CCDC93: variants seen among roughly 807,000 people sequenced by gnomAD.
The protein encoded by CCDC93 is coiled-coil domain-containing protein 93.
Under a neutral mutation model 108.2 loss-of-function variants are expected in CCDC93, and 61 were observed. The observed-to-expected ratio is 0.56, with a 90% CI of 0.46 to 0.70. The LOEUF (loss-of-function observed/expected upper bound fraction) is 0.70, where lower values mean the gene tolerates loss of function less well. Among genes scored for constraint, CCDC93 ranks in the 30% least tolerant of loss-of-function variants. CCDC93 has a pLI of 0.00. For synonymous variants in CCDC93, 276 were observed against 260.4 expected (o/e 1.06, Z -0.58); for missense variants, 685 against 764.2 (o/e 0.90, Z 1.22).
rs1676756175 is a variant in CCDC93, at chr2:118,003,084, T to C, written c.252-2152A>G. Among the ~76,000 whole-genome samples the C allele has an allele frequency of 6.6e-5, 10 of 152,298 alleles. No individual in the cohort carries two copies. The South Asian group carries it at 8.3e-4, about 13-fold the overall frequency. On this transcript the variant is annotated intron_variant, in intron 3 of 23. Coordinates refer to ENST00000376300, the MANE Select transcript of CCDC93 (RefSeq NM_019044.5). ...CCTGAGAGGAAGAAGAAAATTTTCATGCAGCTCTCAGCCACTCCTGGTGCC... is the reference window on the plus strand; with the variant it reads ...CCTGAGAGGAAGAAGAAAATTTTCACGCAGCTCTCAGCCACTCCTGGTGCC...
intron 1 of CCDC93, among the ~76,000 whole-genome samples, chr2:118,011,813 G>T (rs560291453): frequency 3.3e-5 from 5 of 152,148 alleles, no homozygotes; most frequent in Non-Finnish European, 5.9e-5. Context: ...TATAACTTGT[G>T]AAGTAATTTT....
intron 13 of CCDC93, chr2:117,950,660 C>A: frequency 1.0e-6 from 1 of 985,416 alleles, no homozygotes; most frequent in Non-Finnish European, 1.2e-6. Context: ...TTACTCCTAA[C>A]CTTGATAGGT....
intron 13 of CCDC93, chr2:117,951,169 A>AG (rs778207811): frequency 7.8e-5 from 77 of 985,240 alleles, no homozygotes; most frequent in Non-Finnish European, 9.0e-5. Context: ...TATTATACAA[A>AG]GACAGATCCA....
rs2104685679 is a variant in CCDC93 at position 117,915,969 on chromosome 2, T to C, written c.*4374A>G. On this transcript the variant is annotated 3_prime_UTR_variant, in exon 24 of 24. Coordinates refer to ENST00000376300, the MANE Select transcript of CCDC93 (RefSeq NM_019044.5). ...CATAATGTATTTAACCATTCCCCTG[T>C]ATTGGTGGCACTCTCCAACTTTTTG... 1 of 152,348 alleles carries C rather than the reference T, an allele frequency of 6.6e-6. No individual in the cohort carries two copies. The allele number at this position is 152,348 out of a possible 1,614,324, so 9.4% of individuals were successfully genotyped here. A position where few individuals can be genotyped will look rare whatever the true frequency, so the allele number is the denominator to read the frequency against.
intron 23 of CCDC93, among the ~76,000 whole-genome samples, chr2:117,923,626 A>T (rs981339777): frequency 2.0e-5 from 3 of 152,072 alleles, no homozygotes; most frequent in African/African-American, 7.2e-5. Flanking sequence ...AGAAGCTCAA[A>T]CTGGGTGGAG....
intron 6 of CCDC93, 80 bp from the exon 7 acceptor site, chr2:117,986,149 G>T: frequency 1.5e-6 from 1 of 656,608 alleles, no homozygotes. Context: ...TCCAGCCATG[G>T]GGTATATTCT....
chr2:117,926,242 A>T (rs1242543138), intron 23 of CCDC93, among the ~76,000 whole-genome samples: 3 of 152,224 alleles, frequency 2.0e-5, no homozygotes, highest in Non-Finnish European at 4.4e-5. Context: ...TTCAAAAGCT[A>T]GCAGAAGGCA....
intron 11 of CCDC93, among the ~76,000 whole-genome samples, chr2:117,967,262 G>C (rs1381372407): frequency 6.6e-6 from 1 of 152,200 alleles, no homozygotes; most frequent in African/African-American, 2.4e-5. Context: ...CAAAGTGCTG[G>C]GATTACAGGC....
rs146493058 is a variant in CCDC93 at position 118,010,107 on chromosome 2, TTTTG to T, written c.43-1453_43-1450del. ...CAGGCACATGCCACCACGCCCGTTT[TTTTG>T]TTTGTTTGTTTGTTTTTGTATTTTT... On this transcript the variant is annotated intron_variant, in intron 1 of 23. Transcript: ENST00000376300. Among the ~76,000 whole-genome samples, 6 of 150,840 alleles carry T rather than the reference TTTTG, an allele frequency of 4.0e-5. No homozygotes were observed. In the South Asian group the frequency reaches 8.4e-4, roughly 21 times the overall value.
intron 13 of CCDC93, chr2:117,951,757 CAG>C: frequency 1.1e-6 from 1 of 920,052 alleles, no homozygotes; most frequent in Non-Finnish European, 1.3e-6. Flanking sequence ...GAGGTGGCAG[CAG>C]AGGTGTCTGT....
intron 22 of CCDC93, among the ~76,000 whole-genome samples, chr2:117,933,028 G>A (rs1371430247): frequency 2.6e-5 from 4 of 152,236 alleles, no homozygotes; most frequent in Non-Finnish European, 5.9e-5. Context: ...CACTGTGGGA[G>A]TTAGTGTGGC....
At chr2:118,009,615 T>C (rs1676970488) in intron 1 of CCDC93, among the ~76,000 whole-genome samples, 1 of 152,134 alleles carries the variant, frequency 6.6e-6, no homozygotes, top group South Asian at 2.1e-4. Context: ...GGGGTTGCAG[T>C]GAGGTGAGAC....
intron 4 of CCDC93, chr2:117,997,942 C>T (rs532965106): frequency 1.3e-5 from 2 of 152,362 alleles, no homozygotes; most frequent in African/African-American, 4.8e-5. Context: ...GAGTTACAGC[C>T]TGGCTGGATC....
chr2:117,933,743 C>T (rs1283342593), intron 22 of CCDC93, among the ~76,000 whole-genome samples: 2 of 151,720 alleles, frequency 1.3e-5, no homozygotes, highest in African/African-American at 4.8e-5. Context: ...AAAACACATC[C>T]ATCCAAGTGA....
At position 117,936,692 on chromosome 2, in the gene CCDC93, C is replaced by G; in HGVS notation, c.1643+10G>C. ...GGGTATTAGTGGGAAGGAGGACTGA[C>G]AGTACTTACTGTGAGAAGTTCTCAT... On this transcript the variant is annotated intron_variant, in intron 21 of 23. Coordinates refer to ENST00000376300, the MANE Select transcript of CCDC93 (RefSeq NM_019044.5). The G allele has an allele frequency of 6.2e-7, 1 of 1,609,398 alleles. No homozygotes were observed. Among genetic ancestry groups the G allele is most frequent in the South Asian group, 1.1e-5 (1 of 90,988 alleles).
intron 22 of CCDC93, among the ~76,000 whole-genome samples, chr2:117,933,759 G>A (rs1450865781): frequency 6.6e-6 from 1 of 151,174 alleles, no homozygotes; most frequent in Non-Finnish European, 1.5e-5. Flanking sequence ...AGTGACTGCT[G>A]TTCCATTCAC....
chr2:117,931,257 C>A, intron 22 of CCDC93, 107 bp from the exon 23 acceptor site: 1 of 717,490 alleles, frequency 1.4e-6, no homozygotes, highest in Non-Finnish European at 2.4e-6. Context: ...GATTTCCTTA[C>A]AGTAGAGGAA....
chr2:117,936,499 T>G (rs1471250661), intron 21 of CCDC93: 1 of 541,946 alleles, frequency 1.8e-6, no homozygotes, highest in Non-Finnish European at 3.3e-6. Context: ...CTTCCTTCAC[T>G]CTACTATCAT....
chr2:117,942,061 T>C (rs1222392793), intron 18 of CCDC93, among the ~76,000 whole-genome samples: 1 of 152,256 alleles, frequency 6.6e-6, no homozygotes, highest in East Asian at 1.9e-4. Context: ...AGGAGCCTCC[T>C]GGTGGGAAAC....
Sources: allele counts gnomAD v4.1 joint callset (sites outside exome capture counted in the v4.1 genomes callset), GRCh38; gene constraint gnomAD v4.1.1; transcripts MANE v1.5; gene names NCBI Gene and HGNC (gene_info 2026-07-23, HGNC 2026-07-21).